The following MCM10 variants were observed in gnomAD, a reference collection of about 807,000 sequenced individuals.
MCM10 encodes the protein minichromosome maintenance 10 replication initiation factor, also known as protein MCM10 homolog.
Under a neutral mutation model 109.9 loss-of-function variants are expected in MCM10, and 91 were observed. The ratio of observed to expected loss-of-function variants is 0.83; its 90% CI spans 0.70 to 0.99. The LOEUF (loss-of-function observed/expected upper bound fraction) is 0.99. Ranked by LOEUF, MCM10 falls within the 50% of genes least tolerant of loss-of-function variation. MCM10 has a pLI of 0.00. For synonymous variants in MCM10, 380 were observed against 387.2 expected, an observed-to-expected ratio of 0.98 and a Z score of 0.22; for missense variants, 1,077 against 1,061.2, an observed-to-expected ratio of 1.01 and a Z score of -0.21.
chr10:13,190,767 A>G (rs1412822479), intron 10 of MCM10, among the ~76,000 whole-genome samples: 1 of 151,644 alleles, frequency 6.6e-6, no homozygotes, highest in African/African-American at 2.4e-5. Context: ...CATTTTTAGT[A>G]ATATAAAATG....
intron 2 of MCM10, among the ~76,000 whole-genome samples, chr10:13,166,661 CATATATATATAT>C (rs60500036): frequency 5.6e-5 from 5 of 89,712 alleles, no homozygotes; most frequent in African/African-American, 1.1e-4. Context: ...TACATACATA[CATATATATATAT>C]ATATATATAT....
Position 13,164,274 on chromosome 10 carries a change from T to C in MCM10, c.7+65T>C, listed in dbSNP as rs577060555. ...AACTAACCTTTTGTCCATGGACTTG[T>C]TATTTATTCTACCTGTAAAATGGTG... On this transcript the variant is annotated intron_variant, in intron 2 of 19. Transcript: ENST00000378714. 24 of 1,475,794 alleles carry C rather than the reference T, an allele frequency of 1.6e-5. No homozygotes were observed. In the African/African-American group the frequency reaches 3.1e-4, roughly 19 times the overall value. The allele number at this position is 1,475,794 out of a possible 1,614,324, so 91.4% of individuals were successfully genotyped here.
In MCM10 at chr10:13,171,255, A is replaced by G. The variant is rs776039399; in HGVS notation, c.341A>G (p.Glu114Gly). The G allele has an allele frequency of 8.1e-6, 13 of 1,606,554 alleles. No homozygotes were observed. In the East Asian group the frequency reaches 2.9e-4, roughly 36 times the overall value. The change falls in exon 3 of 20, where the codon GAG becomes GGG. Residue 114 changes from glutamate (E) to glycine (G), a missense_variant. Physicochemically the swap from Glu to Gly is moderately conservative, Grantham distance 98. Transcript: ENST00000378714. Reference protein sequence around the residue: ...PAPRREKTNEELQEELRNLQE... With the variant: ...PAPRREKTNEGLQEELRNLQE... Reference sequence around the variant, plus strand: ...CCCAGGCGAGAGAAAACGAATGAAGAGTTGCAAGGTGCCCTAACTACTTGC... The same window carrying G: ...CCCAGGCGAGAGAAAACGAATGAAGGGTTGCAAGGTGCCCTAACTACTTGC...
intron 16 of MCM10, among the ~76,000 whole-genome samples, chr10:13,201,158 A>G (rs951553353): frequency 2.0e-5 from 3 of 152,210 alleles, no homozygotes; most frequent in African/African-American, 7.2e-5. Context: ...ATAAAATAAA[A>G]TAAAAATAAA....
chr10:13,171,205 A>G lies in MCM10; in HGVS notation c.291A>G (p.Glu97=). ...EEEVPASQST[E]NRVLPAPAPR... ...AAGTTCCCGCATCACAGTCAACTGA[A>G]AATAGGGTCCTCCCTGCTCCTGCCC... Residue 97 remains glutamate, a synonymous_variant, in exon 3 of 20, where the codon GAA becomes GAG. Coordinates refer to ENST00000378714, the MANE Select transcript of MCM10 (RefSeq NM_018518.5). 6.2e-7 allele frequency: 1 copy of G among 1,614,184 alleles called. No individual in the cohort carries two copies. The highest frequency in any genetic ancestry group is 8.5e-7 in the Non-Finnish European group (1 of 1,180,024).
At chr10:13,198,923 T>A in intron 16 of MCM10, 116 bp downstream of exon 16, 1 of 710,196 alleles carries the variant, frequency 1.4e-6, no homozygotes, top group Non-Finnish European at 2.4e-6. Flanking sequence ...TGAGACAGAG[T>A]CTCAGTCTGT....
intron 3 of MCM10, among the ~76,000 whole-genome samples, chr10:13,171,803 C>T (rs537791254): frequency 6.6e-6 from 1 of 151,368 alleles, no homozygotes; most frequent in African/African-American, 2.4e-5. Flanking sequence ...CTTGCTGTGT[C>T]ACCCAGGCTG....
At chr10:13,161,972 G>C (rs1833933024) in intron 1 of MCM10, among the ~76,000 whole-genome samples, 1 of 152,350 alleles carries the variant, frequency 6.6e-6, no homozygotes, top group African/African-American at 2.4e-5. Flanking sequence ...CGGTGTGCAT[G>C]GCTCGGATCA....
Position 13,172,192 on chromosome 10 carries a change from A to G in MCM10, c.350-184A>G, listed in dbSNP as rs1391350786. Among the ~76,000 whole-genome samples the G allele has an allele frequency of 1.3e-5, 2 of 152,236 alleles. No homozygotes were observed. The highest frequency in any genetic ancestry group is 2.9e-5 in the Non-Finnish European group (2 of 68,050). ...GTGCTTCGTTTACTTTAAATAAAAT[A>G]TGTATTTCTCTAAGAGACCTCTTTG... On this transcript the variant is annotated intron_variant, in intron 3 of 19. Coordinates refer to ENST00000378714, the MANE Select transcript of MCM10 (RefSeq NM_018518.5). The surrounding 1 kb of genome is among the most constrained non-coding windows in gnomAD (Gnocchi z 5.2).
At position 13,189,052 on chromosome 10, in the gene MCM10, G is replaced by T. The variant is rs761289771; in HGVS notation, c.1387G>T (p.Val463Phe). Residue 463 changes from valine (V) to phenylalanine (F), a missense_variant, in exon 10 of 20, where the codon GTT (valine) becomes TTT (phenylalanine). By Grantham distance (50) the Val-to-Phe change is conservative. Transcript: ENST00000378714. ...CCAAGATGGCTTTTACTACGGAGGG[G>T]TTTCTTCTGCCTCGTATGCAGCTTC... is the stretch of plus-strand genomic sequence containing the variant. ...LCQDGFYYGG[V>F]SSASYAASIA... The T allele has an allele frequency of 2.5e-6, 4 of 1,614,124 alleles. No homozygotes were observed. The highest frequency in any genetic ancestry group is 2.5e-6 in the Non-Finnish European group (3 of 1,180,042).
rs1834224113 is a variant in MCM10, at chr10:13,182,745, G to C, written c.931-188G>C. On this transcript the variant is annotated intron_variant, in intron 7 of 19. Coordinates refer to ENST00000378714, the MANE Select transcript of MCM10 (RefSeq NM_018518.5). This position sits in a 1 kb window ranked among gnomAD's most constrained non-coding sequence, Gnocchi z 4.2. Reference sequence around the variant, plus strand: ...CATCTCTAAAATGAGAAGGGTAATAGAATGCAAAAGCCTAGAGAATGGGTT... The same window carrying C: ...CATCTCTAAAATGAGAAGGGTAATACAATGCAAAAGCCTAGAGAATGGGTT... Among the ~76,000 whole-genome samples, 1 of 152,206 alleles carries C rather than the reference G, an allele frequency of 6.6e-6. No homozygotes were observed. The highest frequency in any genetic ancestry group is 2.1e-4 in the South Asian group (1 of 4,812).
At chr10:13,190,895 A>G (rs544276289) in intron 10 of MCM10, among the ~76,000 whole-genome samples, 15 of 152,284 alleles carry the variant, frequency 9.9e-5, no homozygotes, top group African/African-American at 3.4e-4. Context: ...GCCTTAATTC[A>G]TTTAAACAAT....
intron 1 of MCM10, among the ~76,000 whole-genome samples, 182 bp downstream of exon 1, chr10:13,161,788 C>A (rs1274309898): frequency 2.0e-5 from 3 of 152,200 alleles, no homozygotes; most frequent in Admixed American, 6.5e-5. Flanking sequence ...CATGGCCGGG[C>A]CGGGGGCTGG....
At position 13,192,542 on chromosome 10, in the gene MCM10, A is replaced by G; in HGVS notation, c.1719A>G (p.Arg573=). Reference sequence around the variant, plus strand: ...AGCAGCGGATGTTGGAGATGAGGAGAAGGAAATCAGAAGAAATACAGAAGC... The same window carrying G: ...AGCAGCGGATGTTGGAGATGAGGAGGAGGAAATCAGAAGAAATACAGAAGC... ...QQKQRMLEMR[R]RKSEEIQKRF... The change falls in exon 13 of 20, where the codon AGA becomes AGG. Residue 573 remains arginine (R), a synonymous_variant. Coordinates refer to ENST00000378714, the MANE Select transcript of MCM10 (RefSeq NM_018518.5). The G allele has an allele frequency of 2.5e-6, 4 of 1,614,172 alleles. No individual in the cohort carries two copies. Among genetic ancestry groups the G allele is most frequent in the Non-Finnish European group, 3.4e-6 (4 of 1,180,040 alleles).
In MCM10 at chr10:13,195,395, G is replaced by A. The variant is rs537036544; in HGVS notation, c.1974+126G>A. ...TAGAGTCAGTGTAATTTGAAAACATGGTAGTGTCAACATAATACTAAAAGA... is the reference window on the plus strand; with the variant it reads ...TAGAGTCAGTGTAATTTGAAAACATAGTAGTGTCAACATAATACTAAAAGA... On this transcript the variant is annotated intron_variant, in intron 14 of 19. Coordinates refer to ENST00000378714, the MANE Select transcript of MCM10 (RefSeq NM_018518.5). 6.2e-5 allele frequency: 45 copies of A among 720,484 alleles called. No individual in the cohort carries two copies. In the South Asian group the frequency reaches 7.7e-4, roughly 12 times the overall value. The allele number at this position is 720,484 out of a possible 1,614,324, so 44.6% of individuals were successfully genotyped here. A position where few individuals can be genotyped will look rare whatever the true frequency, so the allele number is the denominator to read the frequency against.
At chr10:13,194,317 C>T (rs910468281) in intron 13 of MCM10, among the ~76,000 whole-genome samples, 4 of 152,176 alleles carry the variant, frequency 2.6e-5, no homozygotes, top group East Asian at 3.9e-4. Flanking sequence ...GAGCCGCAAT[C>T]GTGCCAACGC....
chr10:13,189,324 CTT>C (rs997350838), intron 10 of MCM10, among the ~76,000 whole-genome samples: 22 of 142,978 alleles, frequency 1.5e-4, no homozygotes, highest in Admixed American at 2.1e-4. Context: ...TCCTCTTCAA[CTT>C]TTTTTTTTTT....
At chr10:13,192,130 G>A in intron 11 of MCM10, 125 bp from the exon 12 acceptor site, 1 of 618,888 alleles carries the variant, frequency 1.6e-6, no homozygotes, top group East Asian at 2.8e-5. Flanking sequence ...CTTTCCTCTT[G>A]GGATTCCGTC....
chr10:13,179,642 A>G (rs997267030), intron 6 of MCM10, among the ~76,000 whole-genome samples: 3 of 152,218 alleles, frequency 2.0e-5, no homozygotes, highest in Admixed American at 6.5e-5. Context: ...TAACCCTAAG[A>G]GTTTTTTGAC....
Sources: allele counts gnomAD v4.1 joint callset (sites outside exome capture counted in the v4.1 genomes callset), GRCh38; gene constraint gnomAD v4.1.1; non-coding constraint Gnocchi (gnomAD v3.1); transcripts MANE v1.5; gene names NCBI Gene and HGNC (gene_info 2026-07-23, HGNC 2026-07-21).